The following PIN4 variants were observed in gnomAD, a reference collection of about 807,000 sequenced individuals.
PIN4 encodes peptidyl-prolyl cis-trans isomerase NIMA-interacting 4.
A neutral mutation model predicts 8.3 loss-of-function variants in PIN4; 3 were observed. The ratio of observed to expected loss-of-function variants is 0.36; its 90% confidence interval spans 0.16 to 0.93. The LOEUF is 0.93. Among genes scored for constraint, PIN4 ranks in the 40% least tolerant of loss-of-function variants. The pLI, the probability that PIN4 is intolerant of heterozygous loss-of-function variation, is 0.44. For synonymous variants in PIN4, 18 were observed against 32.5 expected, an observed-to-expected ratio of 0.55 and a Z score of 1.52; for missense variants, 75 against 100.6, an observed-to-expected ratio of 0.75 and a Z score of 1.09.
chrX:72,185,360 C>T (rs2042697623), intron 1 of PIN4, among the ~76,000 whole-genome samples: 3 of 109,892 alleles, frequency 2.7e-5, no homozygotes, highest in Admixed American at 9.8e-5. Flanking sequence ...TGGAGTGTCT[C>T]CTCATCCTTT....
chrX:72,236,088 T>C (rs1017775128), intron 3 of PIN4, among the ~76,000 whole-genome samples: 8 of 111,256 alleles, frequency 7.2e-5, no homozygotes, highest in Non-Finnish European at 1.3e-4. Flanking sequence ...GGAATTGGTA[T>C]TCTAGAGGGA....
intron 3 of PIN4, among the ~76,000 whole-genome samples, chrX:72,229,831 C>G (rs999927579): frequency 8.9e-6 from 1 of 111,870 alleles, no homozygotes. Context: ...ACTTCCATAA[C>G]ATACTTTAAG....
At position 72,194,022 on chromosome X, in the gene PIN4, A is replaced by G. The variant is rs1178106256; in HGVS notation, c.118-2763A>G. On this transcript the variant is annotated intron_variant, in intron 2 of 3. Transcript: ENST00000373669. The stretch of plus-strand genomic sequence containing the variant: ...ATTTTTTAAATGTATAAAGTTAAAA[A>G]GATATAATAACCTAAGGCTAATTTA... Among the ~76,000 whole-genome samples, 13 of 112,520 alleles carry G rather than the reference A, an allele frequency of 1.2e-4. No individual in the cohort carries two copies. The Admixed American group carries it at 1.2e-3, about 11-fold the overall frequency.
intron 2 of PIN4, among the ~76,000 whole-genome samples, chrX:72,187,008 A>G (rs1468123014): frequency 8.9e-6 from 1 of 112,502 alleles, no homozygotes; most frequent in Non-Finnish European, 1.9e-5. Flanking sequence ...TTCCCTTTAA[A>G]TATTTTGTCA....
At position 72,184,249 on chromosome X, in the gene PIN4, T is replaced by G. The variant is rs188629345; in HGVS notation, c.44-2212T>G. Among the ~76,000 whole-genome samples, 3 of 111,687 alleles carry G rather than the reference T, an allele frequency of 2.7e-5. No individual in the cohort carries two copies. The Admixed American group carries it at 2.8e-4, about 11-fold the overall frequency. ...CAGAGTGGGAAGGGAAAAAGAAGTCTGGTGGCCTAGGTGAATGTAGCAGGA... is the reference window on the plus strand; with the variant it reads ...CAGAGTGGGAAGGGAAAAAGAAGTCGGGTGGCCTAGGTGAATGTAGCAGGA... On this transcript the variant is annotated intron_variant, in intron 1 of 3. Transcript: ENST00000373669.
intron 3 of PIN4, among the ~76,000 whole-genome samples, chrX:72,230,215 A>G (rs1481228961): frequency 1.8e-5 from 2 of 110,749 alleles, no homozygotes; most frequent in Non-Finnish European, 3.8e-5. Flanking sequence ...AGGATTGATC[A>G]GGCTATTTGA....
downstream of PIN4, chrX:72,198,662 T>A (rs2042778329): frequency 8.9e-6 from 1 of 112,035 alleles, no homozygotes; most frequent in Admixed American, 9.5e-5. Flanking sequence ...TGTAGTGTCC[T>A]ATGCCAATCG....
At chrX:72,259,829 C>T (rs886760704) in intron 3 of PIN4, among the ~76,000 whole-genome samples, 1 of 102,699 alleles carries the variant, frequency 9.7e-6, no homozygotes, top group Admixed American at 1.1e-4. Flanking sequence ...TTCCTGGGTT[C>T]AAGCCATTCT....
intron 3 of PIN4, among the ~76,000 whole-genome samples, chrX:72,259,490 G>A (rs1462449026): frequency 9.0e-6 from 1 of 110,541 alleles, no homozygotes; most frequent in African/African-American, 3.3e-5. Flanking sequence ...AAAGTGCTGG[G>A]ATTTCAGGCA....
At chrX:72,189,095 T>G (rs1213519950) in intron 2 of PIN4, among the ~76,000 whole-genome samples, 94 of 110,310 alleles carry the variant, frequency 8.5e-4, no homozygotes, top group African/African-American at 3.0e-3. Context: ...AGCCCAGGAG[T>G]TTGAGGCGGC....
chrX:72,209,922 A>T (rs948113856), intron 3 of PIN4, among the ~76,000 whole-genome samples: 2 of 111,240 alleles, frequency 1.8e-5, no homozygotes, highest in Non-Finnish European at 3.8e-5. Context: ...TACCATACAC[A>T]AAAATTAACT....
At chrX:72,212,892 A>G (rs1231975325) in intron 3 of PIN4, among the ~76,000 whole-genome samples, 1 of 111,573 alleles carries the variant, frequency 9.0e-6, no homozygotes, top group Non-Finnish European at 1.9e-5. Flanking sequence ...GCATTGAGCT[A>G]TGATCGTGTC....
intron 3 of PIN4, among the ~76,000 whole-genome samples, chrX:72,217,119 G>A (rs1252507336): frequency 1.8e-5 from 2 of 111,905 alleles, no homozygotes; most frequent in African/African-American, 3.2e-5. Flanking sequence ...TGCTTTCTGA[G>A]GGCATGTTGT....
chrX:72,255,200 G>T (rs2043105051), intron 3 of PIN4, among the ~76,000 whole-genome samples: 1 of 108,315 alleles, frequency 9.2e-6, no homozygotes, highest in African/African-American at 3.4e-5. Flanking sequence ...AGCCCAGGAG[G>T]TCGAGGCTGC....
chrX:72,201,855 G>A (rs1024763747), downstream of PIN4, among the ~76,000 whole-genome samples: 1 of 112,649 alleles, frequency 8.9e-6, no homozygotes, highest in Non-Finnish European at 1.9e-5. Context: ...AGAACGAAAC[G>A]CACAAACAAA....
chrX:72,224,456 T>C lies in PIN4; in HGVS notation c.312+27552T>C, dbSNP rs148020007. The stretch of plus-strand genomic sequence containing the variant: ...CCCTCCTCAGACACTCCACATCAAA[T>C]AGACTTAAAACCCAAATTCCTGGCT... On this transcript the variant is annotated intron_variant, in intron 3 of 3. Coordinates refer to the PIN4 transcript ENST00000423432. Among the ~76,000 whole-genome samples, 1,014 of 111,354 alleles carry C rather than the reference T, an allele frequency of 9.1e-3. 10 individuals carry two copies. Among genetic ancestry groups the C allele is most frequent in the African/African-American group, 0.031 (951 of 30,575 alleles).
chrX:72,192,866 G>C (rs2147572589), intron 2 of PIN4, among the ~76,000 whole-genome samples: 1 of 111,814 alleles, frequency 8.9e-6, no homozygotes, highest in East Asian at 2.8e-4. Flanking sequence ...CCAAAGTGCT[G>C]GGGTTATAGG....
chrX:72,223,127 G>A (rs192099685), intron 3 of PIN4, among the ~76,000 whole-genome samples: 11 of 100,026 alleles, frequency 1.1e-4, no homozygotes, highest in Admixed American at 4.4e-4. Context: ...ACGAGGTCAA[G>A]AGATCGAGAC....
At chrX:72,235,396 T>TC (rs1294177090) in intron 3 of PIN4, among the ~76,000 whole-genome samples, 1 of 100,624 alleles carries the variant, frequency 9.9e-6, no homozygotes, top group African/African-American at 3.7e-5. Context: ...CCACTTTTTT[T>TC]TTTTTTTTTT....
Sources: allele counts gnomAD v4.1 joint callset (sites outside exome capture counted in the v4.1 genomes callset), GRCh38; gene constraint gnomAD v4.1.1; transcripts MANE v1.5; gene names NCBI Gene and HGNC (gene_info 2026-07-23, HGNC 2026-07-21).